KPNA3: variants seen among roughly 807,000 people sequenced by gnomAD.
KPNA3 encodes karyopherin subunit alpha 3, also known as importin subunit alpha-4.
KPNA3 carries 13 observed loss-of-function variants against 73.8 expected under a neutral mutation model. The observed-to-expected ratio is 0.18, with a 90% CI of 0.11 to 0.28. The LOEUF is 0.28. Ranked by LOEUF, KPNA3 falls within the 10% of genes least tolerant of loss-of-function variation. KPNA3 has a pLI of 1.00. For synonymous variants in KPNA3, 186 were observed against 206.9 expected, an observed-to-expected ratio of 0.90 and a Z score of 0.87; for missense variants, 360 against 618.1, an observed-to-expected ratio of 0.58 and a Z score of 4.43.
chr13:49,770,850 A>G (rs1476179709), intron 1 of KPNA3, among the ~76,000 whole-genome samples: 1 of 151,322 alleles, frequency 6.6e-6, no homozygotes, highest in African/African-American at 2.4e-5. Context: ...AAAAAAAAAA[A>G]AAGAAAAGAA....
intron 1 of KPNA3, among the ~76,000 whole-genome samples, chr13:49,791,038 G>C (rs994701607): frequency 6.6e-6 from 1 of 152,016 alleles, no homozygotes; most frequent in Non-Finnish European, 1.5e-5. Context: ...TCTTACAAAG[G>C]GTATTTAACC....
intron 7 of KPNA3, among the ~76,000 whole-genome samples, chr13:49,725,126 G>A (rs1954397672): frequency 6.6e-6 from 1 of 152,092 alleles, no homozygotes; most frequent in Non-Finnish European, 1.5e-5. Flanking sequence ...AAGCTAAAAG[G>A]CAGAAGCCAT....
chr13:49,762,244 GA>G (rs1409221855), intron 1 of KPNA3, among the ~76,000 whole-genome samples: 2 of 147,954 alleles, frequency 1.4e-5, no homozygotes, highest in East Asian at 2.1e-4. Flanking sequence ...GCGGAGGGAG[GA>G]GGGGGGGCGC....
intron 1 of KPNA3, among the ~76,000 whole-genome samples, chr13:49,756,551 T>C (rs893861595): frequency 7.9e-5 from 12 of 152,194 alleles, no homozygotes; most frequent in African/African-American, 1.9e-4. Context: ...AGCAAGATCC[T>C]GTTTCTAGCT....
At chr13:49,726,087 A>T (rs1484989293) in intron 6 of KPNA3, among the ~76,000 whole-genome samples, 1 of 152,162 alleles carries the variant, frequency 6.6e-6, no homozygotes, top group Non-Finnish European at 1.5e-5. Context: ...TAATCAATAT[A>T]TCATGTCGAT....
At chr13:49,764,250 T>G (rs1954792203) in intron 1 of KPNA3, among the ~76,000 whole-genome samples, 1 of 152,124 alleles carries the variant, frequency 6.6e-6, no homozygotes. Context: ...GGTGAAAAGT[T>G]AACTCTGGGT....
At chr13:49,722,368 G>C (rs930291924) in intron 8 of KPNA3, 109 bp downstream of exon 8, 1 of 735,376 alleles carries the variant, frequency 1.4e-6, no homozygotes, top group African/African-American at 1.8e-5. Context: ...GAGGCAAGAA[G>C]AGAGTCAACA....
intron 1 of KPNA3, among the ~76,000 whole-genome samples, chr13:49,777,862 C>A (rs2137600567): frequency 6.6e-6 from 1 of 152,136 alleles, no homozygotes; most frequent in East Asian, 1.9e-4. Flanking sequence ...ATGAGGAAAC[C>A]TTTATTCCAA....
intron 6 of KPNA3, among the ~76,000 whole-genome samples, chr13:49,730,718 A>G (rs1269264058): frequency 2.0e-5 from 3 of 148,188 alleles, no homozygotes; most frequent in African/African-American, 7.6e-5. Context: ...TGCTGCACCC[A>G]TTAACTCGTC....
chr13:49,756,775 G>A (rs924167641), intron 1 of KPNA3, among the ~76,000 whole-genome samples: 2 of 152,152 alleles, frequency 1.3e-5, no homozygotes, highest in Admixed American at 6.5e-5. Flanking sequence ...AATGAAAAAC[G>A]AAGTGGAAGG....
chr13:49,700,999 A>C lies in KPNA3; in HGVS notation c.*801T>G, dbSNP rs556441461. On this transcript the variant is annotated 3_prime_UTR_variant, in exon 17 of 17. Coordinates refer to ENST00000261667, the MANE Select transcript of KPNA3 (RefSeq NM_002267.4). ...TCAAGTCCATAACAGGTTGCAGCTC[A>C]GGTAAAATACCATGCACAGCATTTG... 1 of 152,820 alleles carries C rather than the reference A, an allele frequency of 6.5e-6. No homozygotes were observed. The highest frequency in any genetic ancestry group is 2.1e-4 in the South Asian group (1 of 4,834). The allele number at this position is 152,820 out of a possible 1,614,324, so 9.5% of individuals were successfully genotyped here.
At position 49,735,841 on chromosome 13, in the gene KPNA3, G is replaced by A. The variant is rs575063845; in HGVS notation, c.115-2795C>T. ...TAGGTCAAAGCAGTTAACTATGGGC[G>A]ATTTCTTATAACCCAACTTAATATA... On this transcript the variant is annotated intron_variant, in intron 2 of 16. Coordinates refer to ENST00000261667, the MANE Select transcript of KPNA3 (RefSeq NM_002267.4). 2.0e-5 allele frequency among the ~76,000 whole-genome samples: 3 copies of A among 152,218 alleles called. No homozygotes were observed. The South Asian group carries it at 6.2e-4, about 31-fold the overall frequency.
Position 49,756,138 on chromosome 13 carries a change from G to A in KPNA3, c.70-9145C>T, listed in dbSNP as rs537459779. Among the ~76,000 whole-genome samples, 4 of 152,302 alleles carry A rather than the reference G, an allele frequency of 2.6e-5. 1 individual carries two copies. Among genetic ancestry groups the A allele is most frequent in the East Asian group, 1.9e-4 (1 of 5,182 alleles). On this transcript the variant is annotated intron_variant, in intron 1 of 16. Transcript: ENST00000261667. Reference sequence around the variant, plus strand: ...GCAAAAAAAAATTTAGCTGGGCATCGTGGTATATGCCTGTAGTCTCAGCTA... The same window carrying A: ...GCAAAAAAAAATTTAGCTGGGCATCATGGTATATGCCTGTAGTCTCAGCTA...
chr13:49,712,292 CA>C (rs1316115890), intron 10 of KPNA3, among the ~76,000 whole-genome samples: 24 of 152,252 alleles, frequency 1.6e-4, no homozygotes, highest in African/African-American at 5.8e-4. Flanking sequence ...ATTGAGATGA[CA>C]CACATATTGG....
At chr13:49,723,324 C>T (rs1315602019) in intron 7 of KPNA3, among the ~76,000 whole-genome samples, 2 of 152,118 alleles carry the variant, frequency 1.3e-5, no homozygotes, top group African/African-American at 4.8e-5. Context: ...GTAATCCTAA[C>T]ACTCTGGGAG....
chr13:49,787,102 G>C (rs1309006679), intron 1 of KPNA3, among the ~76,000 whole-genome samples: 6 of 152,208 alleles, frequency 3.9e-5, no homozygotes, highest in Non-Finnish European at 8.8e-5. Context: ...ACTTAGCACT[G>C]GAGGTTCCAG....
At chr13:49,725,371 C>A in intron 7 of KPNA3, 45 bp downstream of exon 7, 1 of 1,091,492 alleles carries the variant, frequency 9.2e-7, no homozygotes, top group South Asian at 1.6e-5. Context: ...ACTTCCTTGC[C>A]ATCATTAAAA....
At chr13:49,757,995 G>A (rs1006178221) in intron 1 of KPNA3, among the ~76,000 whole-genome samples, 2 of 152,006 alleles carry the variant, frequency 1.3e-5, no homozygotes, top group African/African-American at 4.8e-5. Context: ...CAAAATAAAG[G>A]TCAGTTTTTA....
intron 10 of KPNA3, among the ~76,000 whole-genome samples, chr13:49,713,870 A>G (rs1175460337): frequency 6.6e-6 from 1 of 152,040 alleles, no homozygotes; most frequent in Admixed American, 6.6e-5. Flanking sequence ...CAGTCAGCTA[A>G]TTTTTGTGTT....
Sources: allele counts gnomAD v4.1 joint callset (sites outside exome capture counted in the v4.1 genomes callset), GRCh38; gene constraint gnomAD v4.1.1; transcripts MANE v1.5; gene names NCBI Gene and HGNC (gene_info 2026-07-23, HGNC 2026-07-21).